PRRG1: variants seen among roughly 807,000 people sequenced by gnomAD.
The protein encoded by PRRG1 is transmembrane gamma-carboxyglutamic acid protein 1.
A neutral mutation model predicts 11.8 loss-of-function variants in PRRG1; 5 were observed. The observed-to-expected ratio is 0.42, with a 90% confidence interval of 0.22 to 0.89. PRRG1 has a LOEUF of 0.89. Ranked by LOEUF, PRRG1 falls within the 40% of genes least tolerant of loss-of-function variation. The probability of loss-of-function intolerance (pLI) is 0.28; values close to 1 mark genes in which losing one functional copy is unlikely to be tolerated. For missense variants in PRRG1, 155 were observed against 166.1 expected (o/e 0.93, Z 0.37); for synonymous variants, 66 against 60.4 (o/e 1.09, Z -0.43).
Position 37,427,136 on chromosome X carries a change from A to G in PRRG1, c.171+1136A>G, listed in dbSNP as rs1044362934. On this transcript the variant is annotated intron_variant, in intron 3 of 3. Coordinates refer to ENST00000378628, the MANE Select transcript of PRRG1 (RefSeq NM_001142395.2). ...TGTTTTATCAAATAATAGAAATTAT[A>G]GATATTCTACTATGGTTTTCACAAG... Among the ~76,000 whole-genome samples the G allele has an allele frequency of 2.7e-5, 3 of 112,123 alleles. No homozygotes were observed. In the East Asian group the frequency reaches 8.3e-4, roughly 31 times the overall value.
At chrX:37,435,057 T>C (rs782688952) in intron 3 of PRRG1, among the ~76,000 whole-genome samples, 4 of 111,692 alleles carry the variant, frequency 3.6e-5, no homozygotes, top group African/African-American at 1.3e-4. Flanking sequence ...AATTCCATTC[T>C]ATAGTGAAAT....
At chrX:37,381,819 A>G (rs1239927886) in intron 1 of PRRG1, among the ~76,000 whole-genome samples, 1 of 111,654 alleles carries the variant, frequency 9.0e-6, no homozygotes. Flanking sequence ...CTTTTTTATC[A>G]TGATTTGGTG....
At chrX:37,423,349 T>G (rs924703575) in intron 2 of PRRG1, among the ~76,000 whole-genome samples, 1 of 110,138 alleles carries the variant, frequency 9.1e-6, no homozygotes, top group Non-Finnish European at 1.9e-5. Context: ...GAAAATATTT[T>G]TGTACAGCTG....
chrX:37,400,042 A>G (rs1226159514), intron 1 of PRRG1, among the ~76,000 whole-genome samples: 1 of 111,575 alleles, frequency 9.0e-6, no homozygotes, highest in East Asian at 2.8e-4. Flanking sequence ...GGGAGACTTT[A>G]ACACCCCACT....
chrX:37,357,639 G>A (rs1930281004), intron 1 of PRRG1, among the ~76,000 whole-genome samples: 1 of 112,027 alleles, frequency 8.9e-6, no homozygotes, highest in Non-Finnish European at 1.9e-5. Flanking sequence ...TTTGTCCAGA[G>A]TATCCATGCT....
rs139381059 is a variant in PRRG1 at position 37,416,470 on chromosome X, G to A, written c.11-9370G>A. Among the ~76,000 whole-genome samples the A allele has an allele frequency of 8.9e-5, 10 of 112,191 alleles. No homozygotes were observed. The East Asian group carries it at 2.8e-3, about 31-fold the overall frequency. On this transcript the variant is annotated intron_variant, in intron 2 of 3. Coordinates refer to ENST00000378628, the MANE Select transcript of PRRG1 (RefSeq NM_001142395.2). ...CATAGTCTTCTATATGAGATAGAATGTAATCAGTATAGATAGGGTCCATAA... is the reference window on the plus strand; with the variant it reads ...CATAGTCTTCTATATGAGATAGAATATAATCAGTATAGATAGGGTCCATAA...
chrX:37,396,815 T>C (rs1556378307), intron 1 of PRRG1, among the ~76,000 whole-genome samples: 2 of 111,989 alleles, frequency 1.8e-5, no homozygotes, highest in Non-Finnish European at 3.8e-5. Context: ...TTTGACACTA[T>C]TGACATTTTG....
intron 1 of PRRG1, among the ~76,000 whole-genome samples, chrX:37,361,211 G>A (rs894188241): frequency 1.8e-5 from 2 of 110,838 alleles, no homozygotes; most frequent in Non-Finnish European, 3.8e-5. Context: ...GCATGGTGGT[G>A]GTAGCCTGTA....
chrX:37,370,239 T>C, intron 1 of PRRG1, among the ~76,000 whole-genome samples: 1 of 112,457 alleles, frequency 8.9e-6, no homozygotes, highest in East Asian at 2.8e-4. Flanking sequence ...CATGTATCTG[T>C]TGAAGGATAC....
intron 2 of PRRG1, among the ~76,000 whole-genome samples, chrX:37,417,494 T>G (rs782416516): frequency 8.9e-6 from 1 of 112,123 alleles, no homozygotes; most frequent in Admixed American, 9.5e-5. Flanking sequence ...AGTTAACTTT[T>G]AATTTTCAGA....
In PRRG1 at chrX:37,453,268, T is replaced by G; in HGVS notation, c.304T>G (p.Trp102Gly). The G allele has an allele frequency of 3.3e-6, 4 of 1,210,615 alleles. No individual in the cohort carries two copies. The highest frequency in any genetic ancestry group is 4.5e-6 in the Non-Finnish European group (4 of 894,733). The change falls in exon 4 of 4, where the codon TGG (tryptophan) becomes GGG (glycine). Residue 102 changes from tryptophan to glycine, a missense_variant. By Grantham distance (184) the Trp-to-Gly change is radical. Coordinates refer to ENST00000378628, the MANE Select transcript of PRRG1 (RefSeq NM_001142395.2). ...TATCCTCCTTGTCATTTTCCTAATCTGGAGATGCTTCCTAAGAAACAAAAC... is the reference window on the plus strand; with the variant it reads ...TATCCTCCTTGTCATTTTCCTAATCGGGAGATGCTTCCTAAGAAACAAAAC... Reference protein sequence around the residue: ...FIILLVIFLIWRCFLRNKTRR... With the variant: ...FIILLVIFLIGRCFLRNKTRR...
At chrX:37,448,992 C>G (rs989648374) in intron 3 of PRRG1, among the ~76,000 whole-genome samples, 16 of 111,378 alleles carry the variant, frequency 1.4e-4, no homozygotes, top group African/African-American at 4.9e-4. Flanking sequence ...ATACATGTTA[C>G]TACCTTAGAG....
chrX:37,425,716 C>T, intron 2 of PRRG1, 124 bp from the exon 3 acceptor site: 8 of 580,253 alleles, frequency 1.4e-5, no homozygotes, highest in Non-Finnish European at 2.1e-5. Context: ...CTAAGTGTTA[C>T]TTCATTGCTG....
chrX:37,401,962 A>T (rs1431602628), intron 1 of PRRG1, among the ~76,000 whole-genome samples: 72 of 110,854 alleles, frequency 6.5e-4, no homozygotes, highest in African/African-American at 2.3e-3. Flanking sequence ...AGAACTACAA[A>T]CCACTGCTCA....
intron 3 of PRRG1, among the ~76,000 whole-genome samples, chrX:37,439,209 C>A (rs1932930892): frequency 8.9e-6 from 1 of 111,922 alleles, no homozygotes; most frequent in African/African-American, 3.2e-5. Flanking sequence ...CTGTATATTT[C>A]AGAGGGTCAC....
At chrX:37,361,944 G>T (rs1930429221) in intron 1 of PRRG1, among the ~76,000 whole-genome samples, 1 of 112,106 alleles carries the variant, frequency 8.9e-6, no homozygotes, top group African/African-American at 3.2e-5. Context: ...GCAAAAAAGT[G>T]AATAGAATAT....
intron 1 of PRRG1, among the ~76,000 whole-genome samples, chrX:37,367,779 C>G (rs1012104742): frequency 8.9e-6 from 1 of 112,274 alleles, no homozygotes; most frequent in Non-Finnish European, 1.9e-5. Context: ...AATGCTCTTG[C>G]GCTCTTCTTC....
intron 1 of PRRG1, among the ~76,000 whole-genome samples, chrX:37,357,588 G>A (rs1326198579): frequency 5.4e-5 from 6 of 111,817 alleles, no homozygotes; most frequent in South Asian, 3.7e-4. Context: ...ATGAAATCTC[G>A]CAACATCCTA....
At chrX:37,398,382 G>C (rs894708298) in intron 1 of PRRG1, among the ~76,000 whole-genome samples, 4 of 112,100 alleles carry the variant, frequency 3.6e-5, no homozygotes, top group Non-Finnish European at 7.5e-5. Context: ...GTCTGGAGTG[G>C]ACCTCTAGCA....
Sources: gnomAD v4.1 joint callset for allele counts (sites outside exome capture counted in the v4.1 genomes callset) on GRCh38, gnomAD v4.1.1 for gene constraint, MANE v1.5 for transcripts, NCBI Gene and HGNC (gene_info 2026-07-23, HGNC 2026-07-21) for gene names.